Variants in CRYL1 observed in about 807,000 individuals in gnomAD.
CRYL1 encodes crystallin lambda 1.
In CRYL1, 29 loss-of-function variants were observed where a neutral mutation model predicts 36.6. That is an observed-to-expected ratio of 0.79 (90% CI 0.59 to 1.08). The LOEUF (loss-of-function observed/expected upper bound fraction) is 1.08. CRYL1 is among the 50% of genes least tolerant of loss of function. The pLI is 0.00. For missense variants in CRYL1, 411 were observed against 407.9 expected, an observed-to-expected ratio of 1.01 and a Z score of -0.06; for synonymous variants, 152 against 151.5, an observed-to-expected ratio of 1.00 and a Z score of -0.02.
chr13:20,507,438 C>G (rs2033813157), intron 2 of CRYL1, among the ~76,000 whole-genome samples: 1 of 152,156 alleles, frequency 6.6e-6, no homozygotes, highest in Admixed American at 6.5e-5. Context: ...TTTACAGAAA[C>G]AGTTTGTCAA....
At chr13:20,408,494 G>A (rs866920673) in intron 6 of CRYL1, among the ~76,000 whole-genome samples, 2 of 152,200 alleles carry the variant, frequency 1.3e-5, no homozygotes, top group Non-Finnish European at 2.9e-5. Flanking sequence ...AAGGCTGAGC[G>A]GTTTCTCTCT....
At chr13:20,473,737 G>T (rs1351851461) in intron 3 of CRYL1, among the ~76,000 whole-genome samples, 1 of 152,170 alleles carries the variant, frequency 6.6e-6, no homozygotes, top group East Asian at 1.9e-4. Flanking sequence ...CCCACCCAGA[G>T]CAAAACAAAA....
At chr13:20,508,049 G>A (rs756890686) in intron 2 of CRYL1, among the ~76,000 whole-genome samples, 4 of 151,656 alleles carry the variant, frequency 2.6e-5, no homozygotes, top group South Asian at 2.1e-4. Flanking sequence ...CCAATATGGC[G>A]AAACCCTGTC....
At chr13:20,505,095 C>A (rs949165891) in intron 2 of CRYL1, among the ~76,000 whole-genome samples, 1 of 152,002 alleles carries the variant, frequency 6.6e-6, no homozygotes, top group Admixed American at 6.6e-5. Flanking sequence ...GTGGCTCACG[C>A]CTGTAATCCG....
intron 2 of CRYL1, among the ~76,000 whole-genome samples, chr13:20,505,031 G>GT (rs1485160150): frequency 1.3e-5 from 2 of 152,128 alleles, no homozygotes; most frequent in Admixed American, 6.5e-5. Context: ...TTTCAACCAC[G>GT]TGACATTTTC....
chr13:20,523,137 G>A (rs185746510), intron 1 of CRYL1, among the ~76,000 whole-genome samples: 22 of 151,966 alleles, frequency 1.4e-4, no homozygotes, highest in African/African-American at 5.3e-4. Flanking sequence ...GACTGGTCTC[G>A]AACCCCTGAC....
intron 5 of CRYL1, chr13:20,431,831 G>C (rs1360781430): frequency 7.2e-7 from 1 of 1,389,206 alleles, no homozygotes; most frequent in Non-Finnish European, 9.4e-7. Context: ...GCTATGAAAG[G>C]GCAGGAAGGA....
chr13:20,423,914 G>T (rs1182285667), intron 5 of CRYL1, among the ~76,000 whole-genome samples: 1 of 151,748 alleles, frequency 6.6e-6, no homozygotes, highest in Non-Finnish European at 1.5e-5. Context: ...GGGACTACAG[G>T]TGCACAGCAC....
intron 3 of CRYL1, among the ~76,000 whole-genome samples, chr13:20,470,910 C>CAAAAAAAAAAAAAAAAAA (rs11353451): frequency 4.6e-4 from 19 of 40,884 alleles, no homozygotes; most frequent in African/African-American, 1.5e-3. Context: ...AACTCCATCT[C>CAAAAAAAAAAAAAAAAAA]AAAAAAAAAA....
At chr13:20,509,709 C>T (rs2033879290) in intron 2 of CRYL1, among the ~76,000 whole-genome samples, 1 of 152,086 alleles carries the variant, frequency 6.6e-6, no homozygotes, top group Admixed American at 6.6e-5. Flanking sequence ...GGGTGGATCA[C>T]CTGAGGTCAG....
chr13:20,404,502 T>C, intron 7 of CRYL1, 133 bp downstream of exon 7: 1 of 678,566 alleles, frequency 1.5e-6, no homozygotes, highest in South Asian at 1.8e-5. Flanking sequence ...AAGTTATGAA[T>C]GAGGAACCAC....
intron 2 of CRYL1, among the ~76,000 whole-genome samples, chr13:20,500,198 C>T (rs977997613): frequency 2.0e-5 from 3 of 152,086 alleles, no homozygotes; most frequent in African/African-American, 7.2e-5. Context: ...ATTGCTCATT[C>T]TTTTTGTTTT....
At chr13:20,463,641 T>G (rs1176957532) in intron 3 of CRYL1, among the ~76,000 whole-genome samples, 1 of 152,192 alleles carries the variant, frequency 6.6e-6, no homozygotes, top group Admixed American at 6.5e-5. Context: ...TGCCCTTTTT[T>G]AAACAAGGAC....
chr13:20,443,686 C>A (rs1003259402), intron 3 of CRYL1, among the ~76,000 whole-genome samples: 4 of 152,172 alleles, frequency 2.6e-5, no homozygotes, highest in African/African-American at 9.7e-5. Flanking sequence ...AGCCACCACA[C>A]CTGGCCAACC....
intron 3 of CRYL1, among the ~76,000 whole-genome samples, chr13:20,443,005 A>G (rs1465106099): frequency 2.0e-5 from 3 of 152,212 alleles, no homozygotes; most frequent in Admixed American, 6.5e-5. Context: ...CAGGTGAGGC[A>G]GAGTTTAGAC....
intron 3 of CRYL1, among the ~76,000 whole-genome samples, chr13:20,466,705 T>TGTATGTGTGA (rs1555229893): frequency 6.6e-6 from 1 of 151,410 alleles, no homozygotes; most frequent in East Asian, 2.0e-4. Context: ...TGTGTGTGTG[T>TGTATGTGTGA]GTGTGTAGTT....
intron 3 of CRYL1, among the ~76,000 whole-genome samples, chr13:20,462,073 T>A (rs1470410678): frequency 9.6e-5 from 1 of 10,390 alleles, no homozygotes; most frequent in Non-Finnish European, 1.9e-4. Context: ...GTGGGAGGGA[T>A]GGGGTGGGAG....
At chr13:20,497,216 A>T (rs1434393100) in intron 2 of CRYL1, among the ~76,000 whole-genome samples, 1 of 151,938 alleles carries the variant, frequency 6.6e-6, no homozygotes, top group East Asian at 1.9e-4. Flanking sequence ...GGCTTCAGAT[A>T]GAGGACACCC....
intron 5 of CRYL1, among the ~76,000 whole-genome samples, chr13:20,427,734 C>T (rs2031963932): frequency 2.7e-5 from 1 of 37,196 alleles, no homozygotes; most frequent in Non-Finnish European, 6.7e-5. Flanking sequence ...CAAAAAGTTG[C>T]TCCTCAAAAA....
Sources: allele counts gnomAD v4.1 joint callset (sites outside exome capture counted in the v4.1 genomes callset), GRCh38; gene constraint gnomAD v4.1.1; transcripts MANE v1.5; gene names NCBI Gene and HGNC (gene_info 2026-07-23, HGNC 2026-07-21).